RIC8B: variants seen among roughly 807,000 people sequenced by gnomAD.
The protein encoded by RIC8B is chaperone Ric-8B.
In RIC8B, 16 loss-of-function variants were observed where a neutral mutation model predicts 57.5. That is an observed-to-expected ratio of 0.28 (90% CI 0.19 to 0.42). The LOEUF (loss-of-function observed/expected upper bound fraction) is 0.42, where lower values mean the gene tolerates loss of function less well. RIC8B is among the 10% of genes least tolerant of loss of function. RIC8B has a pLI of 1.00. For missense variants in RIC8B, 481 were observed against 677.0 expected, an observed-to-expected ratio of 0.71 and a Z score of 3.21; for synonymous variants, 216 against 250.8, an observed-to-expected ratio of 0.86 and a Z score of 1.31.
intron 3 of RIC8B, chr12:106,823,551 T>C (rs962924573): frequency 4.9e-6 from 2 of 410,058 alleles, no homozygotes; most frequent in Admixed American, 5.9e-5. Flanking sequence ...AAGATTATTA[T>C]ATCTAAAATA....
chr12:106,852,802 ACTT>A lies in RIC8B; in HGVS notation c.1306+1215_1306+1217del, dbSNP rs146973366. Among the ~76,000 whole-genome samples the A allele has an allele frequency of 2.3e-3, 344 of 152,246 alleles. 8 individuals are homozygous for A. The East Asian group carries it at 0.053, about 23-fold the overall frequency. On this transcript the variant is annotated intron_variant, in intron 7 of 9. Coordinates refer to ENST00000392837, the MANE Select transcript of RIC8B (RefSeq NM_001330145.2). ...TAGCATCTGTTCTTTTAGACAATTTACTTCTTCTTTAATGACTTTGAAAAAAGA... is the reference window on the plus strand; with the variant it reads ...TAGCATCTGTTCTTTTAGACAATTTACTTCTTTAATGACTTTGAAAAAAGA...
intron 2 of RIC8B, among the ~76,000 whole-genome samples, chr12:106,811,169 T>G (rs79379597): frequency 0.012 from 1,763 of 152,346 alleles, 42 homozygotes; most frequent in African/African-American, 0.041. Flanking sequence ...CCTGCCACCC[T>G]TACACATCTT....
chr12:106,804,888 T>C (rs1259769158), intron 2 of RIC8B, among the ~76,000 whole-genome samples: 4 of 152,070 alleles, frequency 2.6e-5, no homozygotes, highest in Non-Finnish European at 5.9e-5. Flanking sequence ...GTGAAAAAGA[T>C]AGCGTTTGAT....
intron 4 of RIC8B, among the ~76,000 whole-genome samples, chr12:106,832,886 T>C (rs2046417757): frequency 6.6e-6 from 1 of 152,206 alleles, no homozygotes; most frequent in African/African-American, 2.4e-5. Flanking sequence ...CCCACACCTT[T>C]TTCTTCTGCC....
intron 4 of RIC8B, among the ~76,000 whole-genome samples, chr12:106,837,642 T>TTG (rs1566112736): frequency 1.4e-5 from 2 of 146,460 alleles, no homozygotes; most frequent in African/African-American, 5.0e-5. Flanking sequence ...ATCTTTTGTT[T>TTG]TTTTTTTTTT....
At chr12:106,883,531 T>C (rs772970575) in intron 9 of RIC8B, among the ~76,000 whole-genome samples, 9 of 152,098 alleles carry the variant, frequency 5.9e-5, no homozygotes, top group Non-Finnish European at 1.3e-4. Context: ...CCCCATTGAA[T>C]AGAGTCACCA....
chr12:106,837,659 T>G (rs2136393521), intron 4 of RIC8B, among the ~76,000 whole-genome samples: 2 of 150,134 alleles, frequency 1.3e-5, no homozygotes, highest in Admixed American at 1.3e-4. Context: ...TTTTTTTTTT[T>G]GACAGAGAGT....
intron 9 of RIC8B, among the ~76,000 whole-genome samples, chr12:106,877,732 T>G (rs1215400938): frequency 6.6e-6 from 1 of 152,178 alleles, no homozygotes; most frequent in Non-Finnish European, 1.5e-5. Context: ...TTTACCAAAG[T>G]TGCTCAACCC....
intron 4 of RIC8B, among the ~76,000 whole-genome samples, chr12:106,830,463 A>G (rs1160361505): frequency 2.0e-5 from 3 of 152,200 alleles, no homozygotes; most frequent in Non-Finnish European, 2.9e-5. Flanking sequence ...TTTGTAAGTA[A>G]ATAGGTAGAG....
intron 4 of RIC8B, 94 bp downstream of exon 4, chr12:106,825,914 G>A (rs2046077833): frequency 2.5e-6 from 2 of 803,770 alleles, no homozygotes; most frequent in East Asian, 2.6e-5. Context: ...GCACAAGAAA[G>A]TGAAAATACT....
At chr12:106,849,917 A>G (rs1023748144) in intron 6 of RIC8B, among the ~76,000 whole-genome samples, 1 of 152,242 alleles carries the variant, frequency 6.6e-6, no homozygotes, top group Non-Finnish European at 1.5e-5. Context: ...AGGTCAGGGA[A>G]GAAATCAACA....
At chr12:106,868,322 A>C in intron 8 of RIC8B, 1 of 456,886 alleles carries the variant, frequency 2.2e-6, no homozygotes, top group South Asian at 1.5e-5. Flanking sequence ...TTGAGGAGAG[A>C]AGCCATCTCT....
At chr12:106,817,304 G>A (rs12322690) in intron 3 of RIC8B, among the ~76,000 whole-genome samples, 1 of 152,122 alleles carries the variant, frequency 6.6e-6, no homozygotes, top group African/African-American at 2.4e-5. Context: ...TTCAAATTCC[G>A]TTAAGTGCTA....
At chr12:106,866,925 G>A (rs781306624) in intron 8 of RIC8B, among the ~76,000 whole-genome samples, 2 of 152,076 alleles carry the variant, frequency 1.3e-5, no homozygotes, top group African/African-American at 2.4e-5. Context: ...TCCTTCCTAC[G>A]AGGTATAAGC....
intron 2 of RIC8B, 45 bp from the exon 3 acceptor site, chr12:106,814,651 T>G: frequency 6.5e-7 from 1 of 1,538,162 alleles, no homozygotes; most frequent in Non-Finnish European, 8.7e-7. Context: ...TGTTAAGTCA[T>G]TTGAGCCAAA....
At chr12:106,779,294 T>G (rs1452342803) in intron 1 of RIC8B, among the ~76,000 whole-genome samples, 3 of 151,822 alleles carry the variant, frequency 2.0e-5, no homozygotes, top group Non-Finnish European at 2.9e-5. Context: ...TGCAGTGGCT[T>G]GATGTCGCCT....
rs556197737 is a variant in RIC8B at position 106,860,029 on chromosome 12, AGT to A, written c.1307-234_1307-233del. Among the ~76,000 whole-genome samples the A allele has an allele frequency of 6.3e-3, 961 of 152,254 alleles. 5 individuals carry two copies. Among genetic ancestry groups the A allele is most frequent in the African/African-American group, 0.022 (930 of 41,564 alleles). ...CACAGAGGCCCCACTTTTGCCATAA[AGT>A]GTGTTCAGAACAGCTCTGCTTTAGT... On this transcript the variant is annotated intron_variant, in intron 7 of 9. Transcript: ENST00000392837.
At position 106,825,550 on chromosome 12, in the gene RIC8B, A is replaced by G. The variant is rs553979204; in HGVS notation, c.742-176A>G. Among the ~76,000 whole-genome samples the G allele has an allele frequency of 5.3e-5, 8 of 152,352 alleles. No individual in the cohort carries two copies. The South Asian group carries it at 1.7e-3, about 32-fold the overall frequency. ...TTTCTAGAAGTGGTTATGGTTGTTCATAAGAGATAGTGACTATTAGTATTG... is the reference window on the plus strand; with the variant it reads ...TTTCTAGAAGTGGTTATGGTTGTTCGTAAGAGATAGTGACTATTAGTATTG... On this transcript the variant is annotated intron_variant, in intron 3 of 9. Transcript: ENST00000392837.
intron 4 of RIC8B, among the ~76,000 whole-genome samples, chr12:106,826,781 GTAAA>G (rs2046124354): frequency 6.6e-6 from 1 of 152,010 alleles, no homozygotes; most frequent in Non-Finnish European, 1.5e-5. Flanking sequence ...AATTTTAAAA[GTAAA>G]TAAAATATAT....
Sources: gnomAD v4.1 joint callset for allele counts (sites outside exome capture counted in the v4.1 genomes callset) on GRCh38, gnomAD v4.1.1 for gene constraint, MANE v1.5 for transcripts, NCBI Gene and HGNC (gene_info 2026-07-23, HGNC 2026-07-21) for gene names.